EYS: variants seen among roughly 807,000 people sequenced by gnomAD.
EYS encodes the protein protein eyes shut homolog.
A neutral mutation model predicts 282.1 loss-of-function variants in EYS; 250 were observed. The ratio of observed to expected loss-of-function variants is 0.89; its 90% CI spans 0.80 to 0.98. The LOEUF (loss-of-function observed/expected upper bound fraction) is 0.98. Ranked by LOEUF, EYS falls within the 50% of genes least tolerant of loss-of-function variation. The pLI is 0.00. For synonymous variants in EYS, 1,355 were observed against 1,282.9 expected, an observed-to-expected ratio of 1.06 and a Z score of -1.20; for missense variants, 4,016 against 3,709.0, an observed-to-expected ratio of 1.08 and a Z score of -2.15.
intron 41 of EYS, among the ~76,000 whole-genome samples, chr6:63,761,594 C>G (rs1023949675): frequency 2.6e-5 from 4 of 151,968 alleles, no homozygotes; most frequent in Non-Finnish European, 4.4e-5. Flanking sequence ...AATAAAACAT[C>G]CAAATAATGC....
At chr6:64,490,730 T>A (rs1237816947) in intron 26 of EYS, among the ~76,000 whole-genome samples, 3 of 150,886 alleles carry the variant, frequency 2.0e-5, no homozygotes, top group African/African-American at 7.3e-5. Context: ...AGGAACTTTT[T>A]AAATTTTTTT....
intron 22 of EYS, among the ~76,000 whole-genome samples, chr6:64,729,642 G>A (rs756571567): frequency 5.9e-5 from 9 of 152,206 alleles, no homozygotes; most frequent in Non-Finnish European, 8.8e-5. Context: ...TTGGCAAGCA[G>A]GTTGGTAAGT....
At chr6:64,581,109 G>A (rs1766048673) in intron 26 of EYS, among the ~76,000 whole-genome samples, 1 of 152,126 alleles carries the variant, frequency 6.6e-6, no homozygotes, top group South Asian at 2.1e-4. Context: ...AGCTATGAGT[G>A]AAAGTGCAAA....
rs370852058 is a variant in EYS, at chr6:64,737,515, T to A, written c.3443+75863A>T. On this transcript the variant is annotated intron_variant, in intron 22 of 42. Transcript: ENST00000503581. The stretch of plus-strand genomic sequence containing the variant: ...TTCACCTCTCTTTTCCTAAAGCTGA[T>A]TCAGCCACAAAGATGGCATCACAAG... Among the ~76,000 whole-genome samples, 6 of 152,362 alleles carry A rather than the reference T, an allele frequency of 3.9e-5. No individual in the cohort carries two copies. In the East Asian group the frequency reaches 9.6e-4, roughly 24 times the overall value.
chr6:65,079,233 A>G (rs1200151296), intron 12 of EYS, among the ~76,000 whole-genome samples: 1 of 152,130 alleles, frequency 6.6e-6, no homozygotes, highest in Non-Finnish European at 1.5e-5. Context: ...TAATAGAAAC[A>G]TTGAGAGATG....
intron 31 of EYS, among the ~76,000 whole-genome samples, chr6:64,209,278 T>A (rs1008688146): frequency 2.0e-5 from 3 of 152,146 alleles, no homozygotes; most frequent in African/African-American, 7.2e-5. Context: ...TTATGCTATA[T>A]GAATAGCACA....
chr6:65,006,731 T>C (rs890324539), intron 13 of EYS, among the ~76,000 whole-genome samples: 4 of 152,106 alleles, frequency 2.6e-5, no homozygotes, highest in East Asian at 1.9e-4. Flanking sequence ...TCCCAGGTGA[T>C]TGAGGAAAAA....
chr6:63,757,086 C>T lies in EYS; in HGVS notation c.8071+5375G>A, dbSNP rs560721479. ...ATAAGGTCTGACTGCCTGCAGGGTC[C>T]GGCAGAATAGAGCCATATTTTTCTT... On this transcript the variant is annotated intron_variant, in intron 41 of 42. Transcript: ENST00000503581. 2.1e-3 allele frequency among the ~76,000 whole-genome samples: 325 copies of T among 152,052 alleles called. 2 individuals are homozygous for T. Among genetic ancestry groups the T allele is most frequent in the Middle Eastern group, 3.4e-3 (1 of 294 alleles).
At chr6:65,360,158 A>G (rs1041007679) in intron 8 of EYS, among the ~76,000 whole-genome samples, 2 of 151,960 alleles carry the variant, frequency 1.3e-5, no homozygotes, top group African/African-American at 4.8e-5. Flanking sequence ...TTGCTTTGAC[A>G]TCACTTATTC....
chr6:63,906,947 AC>A (rs1773793233), intron 35 of EYS, among the ~76,000 whole-genome samples: 1 of 152,114 alleles, frequency 6.6e-6, no homozygotes, highest in African/African-American at 2.4e-5. Flanking sequence ...TAATGAAAAA[AC>A]AATAGACTGA....
intron 8 of EYS, among the ~76,000 whole-genome samples, chr6:65,372,062 T>A (rs1562130230): frequency 6.6e-6 from 1 of 150,956 alleles, no homozygotes; most frequent in Non-Finnish European, 1.5e-5. Flanking sequence ...AAGCAGATGG[T>A]GAAGTTAAAG....
intron 41 of EYS, among the ~76,000 whole-genome samples, chr6:63,738,988 T>C (rs1247300886): frequency 6.6e-6 from 1 of 152,156 alleles, no homozygotes; most frequent in African/African-American, 2.4e-5. Context: ...TAGCTGGAAT[T>C]CCACTAATAA....
chr6:64,655,058 T>G (rs139715981), intron 22 of EYS, among the ~76,000 whole-genome samples: 21 of 152,208 alleles, frequency 1.4e-4, no homozygotes, highest in African/African-American at 4.6e-4. Context: ...ATTAAAAACG[T>G]GAAAAAAATC....
At chr6:65,318,645 A>T (rs9345605) in intron 11 of EYS, among the ~76,000 whole-genome samples, 65,949 of 145,780 alleles carry the variant, frequency 0.45, 10,102 homozygotes, top group East Asian at 0.59. Context: ...TATATATATA[A>T]TATATGTATT....
chr6:63,982,808 G>A (rs1030049676), intron 35 of EYS, among the ~76,000 whole-genome samples: 2 of 151,560 alleles, frequency 1.3e-5, no homozygotes, highest in Admixed American at 1.3e-4. Flanking sequence ...ATATAGGGAG[G>A]GAGAAAACAC....
At chr6:64,429,294 G>T (rs900339403) in intron 28 of EYS, among the ~76,000 whole-genome samples, 1 of 152,116 alleles carries the variant, frequency 6.6e-6, no homozygotes, top group African/African-American at 2.4e-5. Flanking sequence ...GCCCCTAAAA[G>T]GTGATTGGTA....
chr6:64,769,328 G>T (rs1773454687), intron 22 of EYS, among the ~76,000 whole-genome samples: 1 of 151,992 alleles, frequency 6.6e-6, no homozygotes, highest in Non-Finnish European at 1.5e-5. Flanking sequence ...GCCACAGAAA[G>T]ACAGAAATAA....
rs563380348 is a variant in EYS at position 65,128,843 on chromosome 6, G to A, written c.2024-71116C>T. 2.0e-5 allele frequency among the ~76,000 whole-genome samples: 3 copies of A among 152,084 alleles called. No individual in the cohort carries two copies. In the East Asian group the frequency reaches 5.8e-4, roughly 29 times the overall value. ...GAAATTCATATGGAACAATAGAAGAGCCTGAATGGCCCAAGCAATCCTAAG... is the reference window on the plus strand; with the variant it reads ...GAAATTCATATGGAACAATAGAAGAACCTGAATGGCCCAAGCAATCCTAAG... On this transcript the variant is annotated intron_variant, in intron 12 of 42. Coordinates refer to ENST00000503581, the MANE Select transcript of EYS (RefSeq NM_001142800.2).
chr6:64,734,594 C>A (rs1772121471), intron 22 of EYS, among the ~76,000 whole-genome samples: 1 of 152,004 alleles, frequency 6.6e-6, no homozygotes, highest in African/African-American at 2.4e-5. Flanking sequence ...TTTCTGTTAG[C>A]CATTTACAAT....
Sources: allele counts gnomAD v4.1 joint callset (sites outside exome capture counted in the v4.1 genomes callset), GRCh38; gene constraint gnomAD v4.1.1; transcripts MANE v1.5; gene names NCBI Gene and HGNC (gene_info 2026-07-23, HGNC 2026-07-21).